The following COL4A1 variants were observed in gnomAD, a reference collection of about 807,000 sequenced individuals.
The protein encoded by COL4A1 is collagen alpha-1(IV) chain.
In COL4A1, 40 loss-of-function variants were observed where a neutral mutation model predicts 216.6. That is an observed-to-expected ratio of 0.18 (90% confidence interval 0.14 to 0.24). COL4A1 has a LOEUF of 0.24. COL4A1 is among the 10% of genes least tolerant of loss of function. The pLI, the probability that COL4A1 is intolerant of heterozygous loss-of-function variation, is 1.00. For missense variants in COL4A1, 1,628 were observed against 2,196.8 expected, an observed-to-expected ratio of 0.74 and a Z score of 5.18; for synonymous variants, 839 against 810.7, an observed-to-expected ratio of 1.03 and a Z score of -0.59.
intron 21 of COL4A1, among the ~76,000 whole-genome samples, chr13:110,195,537 T>C (rs1452254516): frequency 1.3e-5 from 2 of 152,100 alleles, no homozygotes; most frequent in African/African-American, 2.4e-5. Flanking sequence ...CTTCCTTTTT[T>C]CCCCCTCTAA....
At chr13:110,280,749 A>G (rs766491804) in intron 1 of COL4A1, among the ~76,000 whole-genome samples, 3 of 152,194 alleles carry the variant, frequency 2.0e-5, no homozygotes, top group African/African-American at 7.2e-5. Flanking sequence ...AGAACTTGTA[A>G]TCTTGCTAGT....
chr13:110,180,910 G>A (rs1878122645), intron 29 of COL4A1, among the ~76,000 whole-genome samples: 1 of 152,166 alleles, frequency 6.6e-6, no homozygotes, highest in Non-Finnish European at 1.5e-5. Flanking sequence ...AACCCAGAAT[G>A]CCAGTAGTGC....
chr13:110,265,798 A>C (rs1883005248), intron 1 of COL4A1: 1 of 152,230 alleles, frequency 6.6e-6, no homozygotes, highest in African/African-American at 2.4e-5. Context: ...GGAGTTCCTG[A>C]AGATGATGTG....
intron 18 of COL4A1, among the ~76,000 whole-genome samples, chr13:110,201,984 A>T (rs1021650469): frequency 2.0e-5 from 3 of 152,198 alleles, no homozygotes; most frequent in Non-Finnish European, 2.9e-5. Context: ...TCTGTCTCAA[A>T]CAAAGAAACA....
At chr13:110,230,121 G>C (rs950982234) in intron 2 of COL4A1, among the ~76,000 whole-genome samples, 57 of 22,430 alleles carry the variant, frequency 2.5e-3, no homozygotes, top group African/African-American at 9.1e-3. Context: ...TTCAGGCCAC[G>C]TGGTGGAGGG....
chr13:110,228,380 G>C (rs943855022), intron 2 of COL4A1, among the ~76,000 whole-genome samples: 1 of 152,188 alleles, frequency 6.6e-6, no homozygotes, highest in Non-Finnish European at 1.5e-5. Context: ...TGCAAGGCAA[G>C]TTTTTAATGA....
chr13:110,276,276 T>C (rs1159450255), intron 1 of COL4A1, among the ~76,000 whole-genome samples: 1 of 152,198 alleles, frequency 6.6e-6, no homozygotes, highest in Non-Finnish European at 1.5e-5. Context: ...CCACCCCAGA[T>C]TGCGAAACAG....
At chr13:110,185,956 G>A (rs1878382073) in intron 26 of COL4A1, among the ~76,000 whole-genome samples, 1 of 152,062 alleles carries the variant, frequency 6.6e-6, no homozygotes, top group African/African-American at 2.4e-5. Context: ...TCGCGCTGTA[G>A]GACCTCTAAA....
At position 110,242,676 on chromosome 13, in the gene COL4A1, T is replaced by C; in HGVS notation, c.143A>G (p.Lys48Arg). The C allele has an allele frequency of 6.2e-7, 1 of 1,614,178 alleles. No individual in the cohort carries two copies. ...KCDCHGVKGQ[K>R]GERGLPGLQG... ...GTGATTTAAATTTCGGCAACTCACC[T>C]TTTGTCCCTTCACTCCATGGCAGTC... The change falls in exon 2 of 52, where the codon AAG becomes AGG. Residue 48 changes from lysine (K) to arginine (R), a missense_variant and splice_region_variant. This residue lies in a region of COL4A1 where 74 missense variants were observed against 61.7 expected (regional missense o/e 1.20). Coordinates refer to ENST00000375820, the MANE Select transcript of COL4A1 (RefSeq NM_001845.6).
chr13:110,253,142 CTA>C (rs1301712408), intron 1 of COL4A1, among the ~76,000 whole-genome samples: 1 of 134,762 alleles, frequency 7.4e-6, no homozygotes, highest in African/African-American at 2.8e-5. Context: ...ATACATATAA[CTA>C]TATGTACGTA....
chr13:110,198,446 A>G lies in COL4A1; in HGVS notation c.1285+21T>C, dbSNP rs762697967. 6.8e-6 allele frequency: 11 copies of G among 1,612,796 alleles called. No individual in the cohort carries two copies. In the African/African-American group the frequency reaches 1.5e-4, roughly 22 times the overall value. On this transcript the variant is annotated intron_variant, in intron 21 of 51. Transcript: ENST00000375820. ...GGTGTCTGCTTGCACCCCACATTAA[A>G]CCATTTCTGAGGGAACTCACTTGTG... is the stretch of plus-strand genomic sequence containing the variant.
intron 2 of COL4A1, among the ~76,000 whole-genome samples, chr13:110,240,751 G>A (rs936910595): frequency 6.6e-6 from 1 of 152,126 alleles, no homozygotes; most frequent in Admixed American, 6.5e-5. Context: ...AGGTTGTGGA[G>A]ATGTCAGTTG....
intron 1 of COL4A1, among the ~76,000 whole-genome samples, chr13:110,267,325 A>C (rs1001713727): frequency 6.6e-6 from 1 of 152,168 alleles, no homozygotes; most frequent in South Asian, 2.1e-4. Flanking sequence ...AGAAGGACAG[A>C]GGGAGAACGG....
chr13:110,200,380 G>C (rs903465831), intron 20 of COL4A1, among the ~76,000 whole-genome samples: 1 of 152,244 alleles, frequency 6.6e-6, no homozygotes, highest in African/African-American at 2.4e-5. Context: ...AGGGAGGCAA[G>C]GCTGGGGCTG....
intron 1 of COL4A1, among the ~76,000 whole-genome samples, chr13:110,289,943 G>C (rs1327837407): frequency 6.6e-6 from 1 of 152,196 alleles, no homozygotes; most frequent in African/African-American, 2.4e-5. Flanking sequence ...AGGACAAGCA[G>C]GTGGGTTTTA....
At chr13:110,164,812 C>T (rs1248614632) in intron 46 of COL4A1, 50 bp downstream of exon 46, 2 of 1,604,418 alleles carry the variant, frequency 1.2e-6, no homozygotes, top group Non-Finnish European at 1.7e-6. Flanking sequence ...ACTCTGACCA[C>T]TGCCCCTCTG....
intron 44 of COL4A1, 91 bp from the exon 45 acceptor site, chr13:110,166,394 T>C (rs988899130): frequency 1.2e-6 from 1 of 840,520 alleles, no homozygotes; most frequent in Non-Finnish European, 2.1e-6. Context: ...TGCACACACA[T>C]ACATGTACAC....
At chr13:110,160,037 A>T (rs655676) in intron 49 of COL4A1, among the ~76,000 whole-genome samples, 76,671 of 152,048 alleles carry the variant, frequency 0.5, 19,490 homozygotes, top group Admixed American at 0.57. Context: ...CGGTGATGGT[A>T]AAACAACACT....
At chr13:110,182,951 T>A (rs1409992353) in intron 28 of COL4A1, 42 bp downstream of exon 28, 1 of 1,564,948 alleles carries the variant, frequency 6.4e-7, no homozygotes, top group Admixed American at 1.8e-5. Flanking sequence ...CTCACAGAAG[T>A]CACAGGTGGA....
Sources: allele counts gnomAD v4.1 joint callset (sites outside exome capture counted in the v4.1 genomes callset), GRCh38; gene constraint gnomAD v4.1.1; regional missense constraint gnomAD v4.1.1; transcripts MANE v1.5; gene names NCBI Gene and HGNC (gene_info 2026-07-23, HGNC 2026-07-21).